TRIM44: variants seen among roughly 807,000 people sequenced by gnomAD.
TRIM44 encodes the protein tripartite motif-containing protein 44.
TRIM44 carries 13 observed loss-of-function variants against 37.4 expected under a neutral mutation model. The observed-to-expected ratio is 0.35, with a 90% confidence interval of 0.23 to 0.55. TRIM44 has a LOEUF of 0.55. TRIM44 is among the 20% of genes least tolerant of loss of function. The probability of loss-of-function intolerance (pLI) is 0.89; values close to 1 mark genes in which losing one functional copy is unlikely to be tolerated. For missense variants in TRIM44, 426 were observed against 437.2 expected (o/e 0.97, Z 0.23); for synonymous variants, 175 against 157.2 (o/e 1.11, Z -0.85).
intron 4 of TRIM44, among the ~76,000 whole-genome samples, chr11:35,761,762 G>C (rs1447258753): frequency 6.6e-6 from 1 of 152,170 alleles, no homozygotes; most frequent in Non-Finnish European, 1.5e-5. Context: ...TTGTAGACTT[G>C]CACTGAAATG....
intron 4 of TRIM44, among the ~76,000 whole-genome samples, chr11:35,762,590 G>C (rs180997448): frequency 6.6e-6 from 1 of 152,280 alleles, no homozygotes; most frequent in East Asian, 1.9e-4. Context: ...TGGGGAAATG[G>C]TGTAGGAGAG....
intron 4 of TRIM44, among the ~76,000 whole-genome samples, chr11:35,755,281 C>T (rs1661315488): frequency 6.6e-6 from 1 of 152,200 alleles, no homozygotes. Context: ...TTTCATGTGT[C>T]TGTTGGCTGC....
chr11:35,802,842 G>C (rs961871332), intron 4 of TRIM44, among the ~76,000 whole-genome samples: 1 of 152,134 alleles, frequency 6.6e-6, no homozygotes, highest in African/African-American at 2.4e-5. Flanking sequence ...AACTCTCCAA[G>C]TGAGCAAAGC....
intron 2 of TRIM44, among the ~76,000 whole-genome samples, chr11:35,710,411 G>T (rs929833591): frequency 6.6e-6 from 1 of 152,166 alleles, no homozygotes; most frequent in Admixed American, 6.5e-5. Context: ...ATTCTTAGTT[G>T]AGACAAACCC....
chr11:35,791,270 G>A (rs1853206136), intron 4 of TRIM44, among the ~76,000 whole-genome samples: 1 of 152,152 alleles, frequency 6.6e-6, no homozygotes, highest in Admixed American at 6.5e-5. Context: ...TGGCCCCCAT[G>A]TAGGCTTTAT....
chr11:35,804,643 C>G (rs1282695778), intron 4 of TRIM44, among the ~76,000 whole-genome samples: 1 of 152,162 alleles, frequency 6.6e-6, no homozygotes, highest in African/African-American at 2.4e-5. Context: ...TGCCTTGATT[C>G]TGGTGAGAAG....
chr11:35,703,648 A>C (rs1035268382), intron 2 of TRIM44, among the ~76,000 whole-genome samples: 2 of 152,212 alleles, frequency 1.3e-5, no homozygotes, highest in African/African-American at 4.8e-5. Context: ...ACCCAGGCAA[A>C]CAGGATCTGG....
At chr11:35,779,203 C>G (rs67901770) in intron 4 of TRIM44, among the ~76,000 whole-genome samples, 27,138 of 152,246 alleles carry the variant, frequency 0.18, 2,676 homozygotes, top group East Asian at 0.3. Flanking sequence ...GCTGTGCTTG[C>G]TAGCAGTGAG....
chr11:35,798,014 G>T (rs903694324), intron 4 of TRIM44, among the ~76,000 whole-genome samples: 4 of 152,164 alleles, frequency 2.6e-5, no homozygotes, highest in African/African-American at 9.7e-5. Context: ...TGTCCCCAAG[G>T]TGGTCGGGGC....
intron 2 of TRIM44, among the ~76,000 whole-genome samples, chr11:35,705,353 C>T (rs867834250): frequency 5.9e-5 from 9 of 152,220 alleles, no homozygotes; most frequent in Middle Eastern, 3.4e-3. Flanking sequence ...GACAGATCAA[C>T]GAGACAGAAA....
chr11:35,694,408 A>G (rs188129400), intron 2 of TRIM44, among the ~76,000 whole-genome samples: 2 of 152,276 alleles, frequency 1.3e-5, no homozygotes, highest in East Asian at 1.9e-4. Flanking sequence ...GAGGCAACGT[A>G]TGTACCATTA....
intron 1 of TRIM44, among the ~76,000 whole-genome samples, chr11:35,680,235 C>T (rs1041331985): frequency 6.6e-6 from 1 of 152,142 alleles, no homozygotes; most frequent in Non-Finnish European, 1.5e-5. Context: ...CTCTCCCTGC[C>T]TTACTGCCTG....
At chr11:35,693,427 T>C (rs1851660370) in intron 2 of TRIM44, among the ~76,000 whole-genome samples, 1 of 152,100 alleles carries the variant, frequency 6.6e-6, no homozygotes. Context: ...CAGTGAGTCT[T>C]GCAAAGATAG....
chr11:35,778,626 G>T (rs755670504), intron 4 of TRIM44, among the ~76,000 whole-genome samples: 1 of 152,144 alleles, frequency 6.6e-6, no homozygotes, highest in Non-Finnish European at 1.5e-5. Flanking sequence ...TGATGGTGAC[G>T]TACAGATGGG....
chr11:35,726,528 G>A (rs1255142557), intron 3 of TRIM44, among the ~76,000 whole-genome samples: 1 of 152,114 alleles, frequency 6.6e-6, no homozygotes, highest in Non-Finnish European at 1.5e-5. Context: ...AAATCATGAA[G>A]TAGAGCATAA....
intron 4 of TRIM44, among the ~76,000 whole-genome samples, chr11:35,781,915 G>C (rs1030039030): frequency 1.3e-5 from 2 of 152,192 alleles, no homozygotes; most frequent in African/African-American, 4.8e-5. Context: ...AGATAAAAGT[G>C]AATGATAAGG....
rs568482372 is a variant in TRIM44, at chr11:35,753,508, A to C, written c.1007+18063A>C. ...CACATGGCTGTGGGAAATAATGCTT[A>C]TGGATCATAATTTTTGCTAGGAACC... On this transcript the variant is annotated intron_variant, in intron 4 of 4. Coordinates refer to ENST00000299413, the MANE Select transcript of TRIM44 (RefSeq NM_017583.6). 4.9e-4 allele frequency among the ~76,000 whole-genome samples: 75 copies of C among 152,314 alleles called. 2 individuals are homozygous for C. The South Asian group carries it at 0.015, about 31-fold the overall frequency.
At chr11:35,804,903 C>G (rs1853428286) in intron 4 of TRIM44, among the ~76,000 whole-genome samples, 1 of 152,184 alleles carries the variant, frequency 6.6e-6, no homozygotes, top group African/African-American at 2.4e-5. Context: ...AGTGGAAGTT[C>G]TAGAAATTTG....
At chr11:35,777,814 C>T (rs1852993285) in intron 4 of TRIM44, among the ~76,000 whole-genome samples, 2 of 152,156 alleles carry the variant, frequency 1.3e-5, no homozygotes, top group Admixed American at 1.3e-4. Flanking sequence ...AGGGTTTCTG[C>T]CCAGAGATCC....
Sources: gnomAD v4.1 joint callset for allele counts (sites outside exome capture counted in the v4.1 genomes callset) on GRCh38, gnomAD v4.1.1 for gene constraint, MANE v1.5 for transcripts, NCBI Gene and HGNC (gene_info 2026-07-23, HGNC 2026-07-21) for gene names.